CREB5: variants seen among roughly 807,000 people sequenced by gnomAD.
CREB5 encodes the protein cAMP responsive element binding protein 5.
Under a neutral mutation model 57.1 loss-of-function variants are expected in CREB5, and 19 were observed. The ratio of observed to expected loss-of-function variants is 0.33; its 90% CI spans 0.23 to 0.49. The LOEUF (loss-of-function observed/expected upper bound fraction) is 0.49. Ranked by LOEUF, CREB5 falls within the 20% of genes least tolerant of loss-of-function variation. The pLI, the probability that CREB5 is intolerant of heterozygous loss-of-function variation, is 0.99. For missense variants in CREB5, 579 were observed against 671.6 expected, an observed-to-expected ratio of 0.86 and a Z score of 1.52; for synonymous variants, 238 against 238.3, an observed-to-expected ratio of 1.00 and a Z score of 0.01.
intron 7 of CREB5, among the ~76,000 whole-genome samples, chr7:28,791,289 G>A (rs916310263): frequency 2.0e-5 from 3 of 152,192 alleles, no homozygotes; most frequent in Admixed American, 1.3e-4. Flanking sequence ...GATCATGTAC[G>A]TTTTCTACCT....
chr7:28,544,237 T>C (rs1350455035), intron 4 of CREB5, among the ~76,000 whole-genome samples: 1 of 152,178 alleles, frequency 6.6e-6, no homozygotes, highest in East Asian at 1.9e-4. Context: ...ATTTTCTCTC[T>C]CACAGCCTGG....
chr7:28,317,503 T>C (rs1027646485), intron 1 of CREB5, among the ~76,000 whole-genome samples: 1 of 152,160 alleles, frequency 6.6e-6, no homozygotes, highest in African/African-American at 2.4e-5. Context: ...GTTGACGCTG[T>C]GGTATAGGCA....
chr7:28,304,154 G>A (rs186902166), intron 1 of CREB5, among the ~76,000 whole-genome samples: 112 of 152,282 alleles, frequency 7.4e-4, no homozygotes, highest in Non-Finnish European at 1.3e-3. Flanking sequence ...ATGTGAGCCT[G>A]GTCTCAGGGG....
intron 5 of CREB5, among the ~76,000 whole-genome samples, chr7:28,586,274 G>A (rs1438296428): frequency 6.6e-6 from 1 of 152,174 alleles, no homozygotes; most frequent in African/African-American, 2.4e-5. Flanking sequence ...CTCAGTGAGT[G>A]TGGTGGCTGC....
intron 5 of CREB5, among the ~76,000 whole-genome samples, chr7:28,673,397 G>A (rs138886640): frequency 1.4e-3 from 214 of 152,266 alleles, no homozygotes; most frequent in African/African-American, 5.0e-3. Context: ...CCGCTGGGCA[G>A]CCCACATTCC....
At chr7:28,361,853 G>A (rs1786492185) in intron 1 of CREB5, among the ~76,000 whole-genome samples, 1 of 152,134 alleles carries the variant, frequency 6.6e-6, no homozygotes, top group Non-Finnish European at 1.5e-5. Context: ...TGGAGGCATG[G>A]ATTTGTAGCC....
At chr7:28,618,980 T>C (rs1229027523) in intron 5 of CREB5, among the ~76,000 whole-genome samples, 1 of 152,230 alleles carries the variant, frequency 6.6e-6, no homozygotes, top group Non-Finnish European at 1.5e-5. Context: ...AATTTGATTC[T>C]TGTTAGAGGC....
At chr7:28,573,501 G>T (rs79330970) in intron 5 of CREB5, among the ~76,000 whole-genome samples, 1 of 152,226 alleles carries the variant, frequency 6.6e-6, no homozygotes, top group East Asian at 1.9e-4. Flanking sequence ...TAGTGCTCTT[G>T]TGCTGCGGCC....
intron 5 of CREB5, among the ~76,000 whole-genome samples, chr7:28,583,738 G>T (rs1796203244): frequency 6.6e-6 from 1 of 152,038 alleles, no homozygotes; most frequent in Admixed American, 6.6e-5. Flanking sequence ...GAGTGCAATG[G>T]CATGATCTCA....
intron 7 of CREB5, among the ~76,000 whole-genome samples, chr7:28,743,972 G>C (rs1171084785): frequency 7.6e-6 from 1 of 132,426 alleles, no homozygotes; most frequent in Non-Finnish European, 1.6e-5. Context: ...CTAGCATTAG[G>C]TATATCTCCC....
chr7:28,791,285 G>A (rs1231725743), intron 7 of CREB5, among the ~76,000 whole-genome samples: 1 of 152,218 alleles, frequency 6.6e-6, no homozygotes, highest in African/African-American at 2.4e-5. Flanking sequence ...CTTGGATCAT[G>A]TACGTTTTCT....
intron 5 of CREB5, among the ~76,000 whole-genome samples, chr7:28,587,769 CAT>C (rs1458577666): frequency 2.0e-5 from 3 of 152,198 alleles, no homozygotes; most frequent in Admixed American, 6.5e-5. Flanking sequence ...TGACTACACA[CAT>C]GTGTTGAGAG....
At chr7:28,459,315 G>T (rs1025127326) in intron 1 of CREB5, among the ~76,000 whole-genome samples, 1 of 152,152 alleles carries the variant, frequency 6.6e-6, no homozygotes, top group African/African-American at 2.4e-5. Flanking sequence ...TGAGTTTTCA[G>T]GTTGGCTGTC....
At position 28,622,087 on chromosome 7, in the gene CREB5, C is replaced by T. The variant is rs549751146; in HGVS notation, c.464+51550C>T. 1.2e-4 allele frequency among the ~76,000 whole-genome samples: 19 copies of T among 152,248 alleles called. No individual in the cohort carries two copies. The East Asian group carries it at 3.5e-3, about 28-fold the overall frequency. On this transcript the variant is annotated intron_variant, in intron 5 of 10. Transcript: ENST00000357727. ...AACACTGTGATATGAAGTCATATTT[C>T]TTGTAAAGCAGCTCTTTGCAGTGTG...
chr7:28,337,393 A>G (rs1280319412), intron 1 of CREB5, among the ~76,000 whole-genome samples: 1 of 152,142 alleles, frequency 6.6e-6, no homozygotes, highest in African/African-American at 2.4e-5. Flanking sequence ...GGATGCATAT[A>G]TATTTACAAT....
intron 1 of CREB5, among the ~76,000 whole-genome samples, chr7:28,414,035 T>C (rs7799639): frequency 0.1 from 15,325 of 152,174 alleles, 2,052 homozygotes; most frequent in African/African-American, 0.3. Context: ...CGGTGTGTAG[T>C]GTTCACTAGA....
At chr7:28,345,683 G>A (rs1338059679) in intron 1 of CREB5, among the ~76,000 whole-genome samples, 1 of 152,206 alleles carries the variant, frequency 6.6e-6, no homozygotes, top group Admixed American at 6.5e-5. Flanking sequence ...CTGGCAGATG[G>A]TTAGCACTGG....
rs147405263 is a variant in CREB5, at chr7:28,799,120, G to A, written c.703-5079G>A. Among the ~76,000 whole-genome samples, 638 of 152,290 alleles carry A rather than the reference G, an allele frequency of 4.2e-3. 3 individuals are homozygous for A. The highest frequency in any genetic ancestry group is 0.014 in the Middle Eastern group (4 of 294). ...TTCGAAGAGTGTCCCACACTGTTTCGAAATGACATGGAGAATATTCACTGT... is the reference window on the plus strand; with the variant it reads ...TTCGAAGAGTGTCCCACACTGTTTCAAAATGACATGGAGAATATTCACTGT... On this transcript the variant is annotated intron_variant, in intron 7 of 10. Coordinates refer to ENST00000357727, the MANE Select transcript of CREB5 (RefSeq NM_182898.4).
chr7:28,674,096 T>C lies in CREB5; in HGVS notation c.465-44657T>C, dbSNP rs373841586. On this transcript the variant is annotated intron_variant, in intron 5 of 10. Transcript: ENST00000357727. ...ATAGGCAGCAGGGTATTTAAAAGCT[T>C]TTGGACTCACGCAGATTTTTTTTTT... is the stretch of plus-strand genomic sequence containing the variant. Among the ~76,000 whole-genome samples the C allele has an allele frequency of 2.6e-5, 4 of 151,830 alleles. No homozygotes were observed. The East Asian group carries it at 5.8e-4, about 22-fold the overall frequency.
Sources: allele counts gnomAD v4.1 joint callset (sites outside exome capture counted in the v4.1 genomes callset), GRCh38; gene constraint gnomAD v4.1.1; transcripts MANE v1.5; gene names NCBI Gene and HGNC (gene_info 2026-07-23, HGNC 2026-07-21).